Variants in EIF2AK2 observed in about 807,000 individuals in gnomAD.
EIF2AK2 encodes the protein interferon-induced, double-stranded RNA-activated protein kinase.
EIF2AK2 carries 40 observed loss-of-function variants against 70.5 expected under a neutral mutation model. The observed-to-expected ratio is 0.57, with a 90% confidence interval of 0.44 to 0.74. The LOEUF (loss-of-function observed/expected upper bound fraction) is 0.74, where lower values mean the gene tolerates loss of function less well. EIF2AK2 is among the 30% of genes least tolerant of loss of function. The pLI is 0.00. For synonymous variants in EIF2AK2, 198 were observed against 220.9 expected (o/e 0.90, Z 0.92); for missense variants, 555 against 644.3 (o/e 0.86, Z 1.50).
intron 1 of EIF2AK2, among the ~76,000 whole-genome samples, chr2:37,155,939 CAAAAAA>C (rs756767460): frequency 8.1e-5 from 9 of 110,834 alleles, no homozygotes; most frequent in African/African-American, 3.2e-4. Context: ...GAATCTGTCT[CAAAAAA>C]AAAAAAAAAG....
chr2:37,128,998 C>A (rs1405282776), intron 10 of EIF2AK2, among the ~76,000 whole-genome samples: 1 of 152,080 alleles, frequency 6.6e-6, no homozygotes, highest in Non-Finnish European at 1.5e-5. Flanking sequence ...CCAATTTGGA[C>A]CCAGAATCTA....
At chr2:37,115,904 T>C (rs1674324795) in intron 13 of EIF2AK2, among the ~76,000 whole-genome samples, 1 of 152,098 alleles carries the variant, frequency 6.6e-6, no homozygotes, top group Non-Finnish European at 1.5e-5. Context: ...TTTTGTTTTG[T>C]TTTGTTTTGT....
intron 6 of EIF2AK2, among the ~76,000 whole-genome samples, chr2:37,138,862 C>T (rs6740307): frequency 0.03 from 4,497 of 152,098 alleles, 98 homozygotes; most frequent in Middle Eastern, 0.054. Flanking sequence ...GTGGCACAAT[C>T]TTGGCTCACT....
At chr2:37,127,103 C>T (rs574990901) in intron 10 of EIF2AK2, among the ~76,000 whole-genome samples, 6 of 150,848 alleles carry the variant, frequency 4.0e-5, no homozygotes, top group East Asian at 2.0e-4. Context: ...AATGGGCATA[C>T]GCTCTAAGCC....
chr2:37,107,223 A>C lies in EIF2AK2; in HGVS notation c.*50T>G, dbSNP rs1480615411. On this transcript the variant is annotated 3_prime_UTR_variant, in exon 17 of 17. Transcript: ENST00000233057. The stretch of plus-strand genomic sequence containing the variant: ...TGATATTCCCTAGCAGATTTTAGAT[A>C]ATTTAAGGAAAACTGCATATCAGAA... 1.3e-6 allele frequency: 2 copies of C among 1,576,832 alleles called. No individual in the cohort carries two copies. Among genetic ancestry groups the C allele is most frequent in the East Asian group, 2.3e-5 (1 of 44,442 alleles).
chr2:37,139,041 G>A (rs114609060), intron 6 of EIF2AK2, among the ~76,000 whole-genome samples: 4,472 of 151,740 alleles, frequency 0.029, 97 homozygotes, highest in Middle Eastern at 0.054. Flanking sequence ...GTTCGGCCAG[G>A]TGCAGTGGCT....
chr2:37,144,139 A>G (rs1675438573), intron 4 of EIF2AK2, among the ~76,000 whole-genome samples: 1 of 152,182 alleles, frequency 6.6e-6, no homozygotes, highest in Non-Finnish European at 1.5e-5. Flanking sequence ...GCATTTCGCC[A>G]TATTGCCCAG....
chr2:37,148,719 T>C lies in EIF2AK2; in HGVS notation c.-17+138A>G, dbSNP rs1675642434. On this transcript the variant is annotated intron_variant, in intron 2 of 16. Transcript: ENST00000233057. ...TGCTTTCATCACATAAAAATTTATATTGACAGATTTGAGGATTTACAGAAG... is the reference window on the plus strand; with the variant it reads ...TGCTTTCATCACATAAAAATTTATACTGACAGATTTGAGGATTTACAGAAG... The C allele has an allele frequency of 1.1e-5, 9 of 827,824 alleles. No individual in the cohort carries two copies. In the East Asian group the frequency reaches 1.5e-4, roughly 14 times the overall value. 51.3% of individuals were successfully genotyped at this position (827,824 alleles called of 1,614,324 possible).
intron 10 of EIF2AK2, among the ~76,000 whole-genome samples, chr2:37,127,891 T>C (rs1439320866): frequency 2.0e-5 from 3 of 152,008 alleles, no homozygotes; most frequent in African/African-American, 7.3e-5. Flanking sequence ...TACAGGTGCA[T>C]GCCACGACAC....
chr2:37,139,260 A>C lies in EIF2AK2; in HGVS notation c.516+371T>G, dbSNP rs537942981. ...AACATGGGAGGCGGAGGTTGCAGTGAGCCGAGATCGTGCCACTGCACTCTA... is the reference window on the plus strand; with the variant it reads ...AACATGGGAGGCGGAGGTTGCAGTGCGCCGAGATCGTGCCACTGCACTCTA... On this transcript the variant is annotated intron_variant, in intron 6 of 16. Transcript: ENST00000233057. Among the ~76,000 whole-genome samples, 427 of 150,256 alleles carry C rather than the reference A, an allele frequency of 2.8e-3. 5 individuals carry two copies. Among genetic ancestry groups the C allele is most frequent in the African/African-American group, 0.01 (410 of 40,864 alleles).
At chr2:37,144,433 T>C (rs1675452185) in intron 4 of EIF2AK2, among the ~76,000 whole-genome samples, 1 of 151,562 alleles carries the variant, frequency 6.6e-6, no homozygotes. Flanking sequence ...AAAGAAGGAA[T>C]TGCTACAATA....
chr2:37,118,783 T>A (rs1330396537), intron 13 of EIF2AK2, among the ~76,000 whole-genome samples: 2 of 152,204 alleles, frequency 1.3e-5, no homozygotes, highest in African/African-American at 2.4e-5. Context: ...CAATACCTTT[T>A]AAGGGCTACT....
chr2:37,121,618 T>C (rs1037039971), intron 12 of EIF2AK2, among the ~76,000 whole-genome samples: 2 of 94,902 alleles, frequency 2.1e-5, no homozygotes, highest in African/African-American at 6.4e-5. Flanking sequence ...GGAGGCTTGA[T>C]TTTTTTTTTT....
At chr2:37,109,329 G>A (rs1674068197) in intron 14 of EIF2AK2, 34 bp from the exon 15 acceptor site, 2 of 1,578,462 alleles carry the variant, frequency 1.3e-6, no homozygotes, top group Admixed American at 1.7e-5. Flanking sequence ...CCTTTGTTAT[G>A]CTCCTTACAT....
rs572849032 is a variant in EIF2AK2 at position 37,099,836 on chromosome 2, G to T, written c.*7437C>A. On this transcript the variant is annotated 3_prime_UTR_variant, in exon 17 of 17. Coordinates refer to ENST00000233057, the MANE Select transcript of EIF2AK2 (RefSeq NM_001135651.3). ...ATATTATTTGGCAATAAAAAGGAAT[G>T]AGATGCTGATTCATGCCACAGCTGG... is the stretch of plus-strand genomic sequence containing the variant. The T allele has an allele frequency of 1.3e-5, 2 of 152,188 alleles. No individual in the cohort carries two copies. The highest frequency in any genetic ancestry group is 4.8e-5 in the African/African-American group (2 of 41,458). The allele number at this position is 152,188 out of a possible 1,614,324, so 9.4% of individuals were successfully genotyped here. A position where few individuals can be genotyped will look rare whatever the true frequency, so the allele number is the denominator to read the frequency against.
intron 6 of EIF2AK2, among the ~76,000 whole-genome samples, chr2:37,139,366 C>A (rs1158505861): frequency 1.3e-5 from 2 of 151,868 alleles, no homozygotes; most frequent in Admixed American, 6.6e-5. Context: ...CTGCCTTGGC[C>A]TCCCAAAGTG....
chr2:37,107,063 G>T lies in EIF2AK2; in HGVS notation c.*210C>A. On this transcript the variant is annotated 3_prime_UTR_variant, in exon 17 of 17. Transcript: ENST00000233057. ...TCTTTAAAAAAAAAAAAAGAATAAAGAGATGAGCCAGGAAAAAGTAAAATG... is the reference window on the plus strand; with the variant it reads ...TCTTTAAAAAAAAAAAAAGAATAAATAGATGAGCCAGGAAAAAGTAAAATG... 14 of 506,874 alleles carry T rather than the reference G, an allele frequency of 2.8e-5. No individual in the cohort carries two copies. Among genetic ancestry groups the T allele is most frequent in the East Asian group, 4.2e-5 (1 of 24,006 alleles). 31.4% of individuals were successfully genotyped at this position (506,874 alleles called of 1,614,324 possible).
At chr2:37,133,878 T>G (rs1230217444) in intron 10 of EIF2AK2, among the ~76,000 whole-genome samples, 1 of 152,178 alleles carries the variant, frequency 6.6e-6, no homozygotes, top group African/African-American at 2.4e-5. Context: ...AGGACTTTAT[T>G]CCTACCCAAA....
rs1490455089 is a variant in EIF2AK2, at chr2:37,107,297, C to G, written c.1632G>C (p.Glu544Asp). The change falls in exon 17 of 17, where the codon GAG becomes GAC. Residue 544 changes from glutamate to aspartate, a missense_variant. Transcript: ENST00000233057. ...TCTAACATGTGTGTCGTTCATTTTT[C>G]TCTGGGCTTTTCTTCCACACAGTCA... ...RTLTVWKKSP[E>D]KNERHTC is the part of the protein sequence containing the mutation. 3 of 1,613,252 alleles carry G rather than the reference C, an allele frequency of 1.9e-6. No individual in the cohort carries two copies. In the Middle Eastern group the frequency reaches 5.0e-4, roughly 266 times the overall value.
Sources: gnomAD v4.1 joint callset for allele counts (sites outside exome capture counted in the v4.1 genomes callset) on GRCh38, gnomAD v4.1.1 for gene constraint, MANE v1.5 for transcripts, NCBI Gene and HGNC (gene_info 2026-07-23, HGNC 2026-07-21) for gene names.